Variants in FRMPD2 observed in about 807,000 individuals in gnomAD.
The protein encoded by FRMPD2 is FERM and PDZ domain containing 2.
A neutral mutation model predicts 140.1 loss-of-function variants in FRMPD2; 96 were observed. The observed-to-expected ratio is 0.69, with a 90% CI of 0.58 to 0.81. The LOEUF is 0.81. Among genes scored for constraint, FRMPD2 ranks in the 40% least tolerant of loss-of-function variants. The probability of loss-of-function intolerance (pLI) is 0.00; values close to 1 mark genes in which losing one functional copy is unlikely to be tolerated. For synonymous variants in FRMPD2, 449 were observed against 547.6 expected (o/e 0.82, Z 2.52); for missense variants, 1,240 against 1,447.4 (o/e 0.86, Z 2.32).
Position 48,238,830 on chromosome 10 carries a change from C to T in FRMPD2, c.789-707G>A, listed in dbSNP as rs1190438983. 3.3e-5 allele frequency among the ~76,000 whole-genome samples: 5 copies of T among 152,230 alleles called. No homozygotes were observed. The East Asian group carries it at 5.8e-4, about 18-fold the overall frequency. ...TCCCTGATCTGCACCCTTTGCAATC[C>T]GACTTTGCAGCCTCCTGCCATCAAG... On this transcript the variant is annotated intron_variant, in intron 7 of 28. Transcript: ENST00000374201.
chr10:48,234,650 T>C (rs1216595158), intron 9 of FRMPD2, among the ~76,000 whole-genome samples: 1 of 152,128 alleles, frequency 6.6e-6, no homozygotes, highest in Non-Finnish European at 1.5e-5. Context: ...GGCCTCCTGT[T>C]TCCCAGGTAA....
In FRMPD2 at chr10:48,200,970, T is replaced by C. The variant is rs558200540; in HGVS notation, c.1954+258A>G. 3.0e-4 allele frequency among the ~76,000 whole-genome samples: 45 copies of C among 152,348 alleles called. No homozygotes were observed. In the South Asian group the frequency reaches 9.1e-3, roughly 31 times the overall value. ...ATTATGGGGCCAAGAGGACGTGCACTTTTTAAGGCTTTTGATGTATATTTC... is the reference window on the plus strand; with the variant it reads ...ATTATGGGGCCAAGAGGACGTGCACCTTTTAAGGCTTTTGATGTATATTTC... On this transcript the variant is annotated intron_variant, in intron 15 of 28. Coordinates refer to ENST00000374201, the MANE Select transcript of FRMPD2 (RefSeq NM_001018071.4).
intron 17 of FRMPD2, among the ~76,000 whole-genome samples, chr10:48,186,436 C>A (rs915194752): frequency 2.0e-5 from 3 of 152,122 alleles, no homozygotes; most frequent in African/African-American, 4.8e-5. Flanking sequence ...TGGGAGGGAC[C>A]CAGGGGGAAG....
At chr10:48,256,260 G>A (rs977542695) in intron 1 of FRMPD2, among the ~76,000 whole-genome samples, 1 of 146,672 alleles carries the variant, frequency 6.8e-6, no homozygotes, top group African/African-American at 2.5e-5. Context: ...CCCCTAGACA[G>A]CTGCCCAGTC....
At chr10:48,196,974 TCA>T (rs762621334) in intron 15 of FRMPD2, among the ~76,000 whole-genome samples, 35 of 152,228 alleles carry the variant, frequency 2.3e-4, no homozygotes, top group Non-Finnish European at 4.4e-4. Flanking sequence ...CAATGGTGTT[TCA>T]CACACTGTTC....
intron 21 of FRMPD2, among the ~76,000 whole-genome samples, chr10:48,179,998 A>C (rs1487160264): frequency 6.6e-6 from 1 of 152,208 alleles, no homozygotes; most frequent in Non-Finnish European, 1.5e-5. Flanking sequence ...GAAGGGCGAG[A>C]GAAGGGAGTG....
chr10:48,241,714 A>G (rs904893118), intron 5 of FRMPD2, among the ~76,000 whole-genome samples: 1 of 152,202 alleles, frequency 6.6e-6, no homozygotes, highest in Non-Finnish European at 1.5e-5. Context: ...TGACAAGCAC[A>G]ACAAAGGACA....
rs141722516 is a variant in FRMPD2 at position 48,185,600 on chromosome 10, C to T, written c.2312G>A (p.Arg771Gln). Residue 771 changes from arginine (R) to glutamine (Q), a missense_variant, in exon 18 of 29, where the codon CGA (arginine) becomes CAA (glutamine). Physicochemically the swap from Arg to Gln is conservative, Grantham distance 43. Transcript: ENST00000374201. ...TTTCAGTGTCACACGTACAATTTCT[C>T]GGCCCGGTTCAGCTATAAAGCTCTT... ...RRKSFIAEPG[R>Q]EIVRVTLKRD... The T allele has an allele frequency of 4.8e-3, 7,734 of 1,614,052 alleles. 32 individuals are homozygous for T. The highest frequency in any genetic ancestry group is 5.4e-3 in the Non-Finnish European group (6,332 of 1,179,938).
Position 48,181,018 on chromosome 10 carries a change from CA to C in FRMPD2, c.2585-11del, listed in dbSNP as rs1215586072. 2 of 1,297,840 alleles carry C rather than the reference CA, an allele frequency of 1.5e-6. No individual in the cohort carries two copies. Among genetic ancestry groups the C allele is most frequent in the South Asian group, 1.2e-5 (1 of 84,970 alleles). The allele number at this position is 1,297,840 out of a possible 1,614,324, so 80.4% of individuals were successfully genotyped here. ...TTATTTCCACCAACACCTATAAAAA[CA>C]AGCCAAGAAAAAGTCAACAGCTTAA... On this transcript the variant is annotated splice_polypyrimidine_tract_variant and intron_variant, in intron 20 of 28. Transcript: ENST00000374201.
intron 28 of FRMPD2, among the ~76,000 whole-genome samples, chr10:48,158,168 A>T (rs1173767513): frequency 6.6e-6 from 1 of 151,320 alleles, no homozygotes; most frequent in Non-Finnish European, 1.5e-5. Flanking sequence ...GGCAAGAGGC[A>T]AGGCTTCATC....
At chr10:48,267,894 A>G (rs1387820962) in intron 1 of FRMPD2, among the ~76,000 whole-genome samples, 1 of 152,260 alleles carries the variant, frequency 6.6e-6, no homozygotes, top group Non-Finnish European at 1.5e-5. Context: ...GCCAGATGTA[A>G]AAGCCTACAC....
chr10:48,229,514 T>TA (rs1409534494), intron 10 of FRMPD2, among the ~76,000 whole-genome samples: 1 of 152,156 alleles, frequency 6.6e-6, no homozygotes, highest in Admixed American at 6.5e-5. Flanking sequence ...AAAGAGGTGT[T>TA]AAACTAATTG....
At chr10:48,164,466 A>G (rs1160648088) in intron 27 of FRMPD2, among the ~76,000 whole-genome samples, 1 of 149,530 alleles carries the variant, frequency 6.7e-6, no homozygotes, top group Non-Finnish European at 1.5e-5. Context: ...ATCTTCCAGC[A>G]CTTCCACCCC....
At chr10:48,173,926 C>T (rs1838332997) in intron 24 of FRMPD2, among the ~76,000 whole-genome samples, 1 of 152,128 alleles carries the variant, frequency 6.6e-6, no homozygotes, top group Non-Finnish European at 1.5e-5. Context: ...GCACCTGGCC[C>T]AGGATCCCAG....
chr10:48,269,400 G>A (rs543549676), intron 1 of FRMPD2, among the ~76,000 whole-genome samples: 118 of 152,306 alleles, frequency 7.7e-4, no homozygotes, highest in African/African-American at 2.6e-3. Context: ...GCACAGAGGC[G>A]TGTTGCATGT....
intron 14 of FRMPD2, among the ~76,000 whole-genome samples, chr10:48,202,768 A>C (rs1839118109): frequency 1.3e-5 from 2 of 152,290 alleles, no homozygotes; most frequent in South Asian, 4.1e-4. Context: ...TTTTATATTA[A>C]GTTTATTCAG....
intron 20 of FRMPD2, among the ~76,000 whole-genome samples, chr10:48,184,322 G>A (rs550750880): frequency 5.9e-5 from 9 of 152,222 alleles, no homozygotes; most frequent in South Asian, 4.2e-4. Flanking sequence ...GTATCCAGCC[G>A]TGTCTAACAA....
At chr10:48,244,080 G>T (rs1840187519) in intron 4 of FRMPD2, among the ~76,000 whole-genome samples, 1 of 152,344 alleles carries the variant, frequency 6.6e-6, no homozygotes, top group East Asian at 1.9e-4. Flanking sequence ...GGCCCCCGGG[G>T]TTTAAGCGAT....
At chr10:48,163,716 T>A in intron 27 of FRMPD2, 45 bp from the exon 28 acceptor site, 1 of 1,378,942 alleles carries the variant, frequency 7.3e-7, no homozygotes, top group Non-Finnish European at 1.0e-6. Context: ...GGATGCACAT[T>A]GTTTTTTTAA....
Sources: allele counts gnomAD v4.1 joint callset (sites outside exome capture counted in the v4.1 genomes callset), GRCh38; gene constraint gnomAD v4.1.1; transcripts MANE v1.5; gene names NCBI Gene and HGNC (gene_info 2026-07-23, HGNC 2026-07-21).